ORC4: variants seen among roughly 807,000 people sequenced by gnomAD.
The protein encoded by ORC4 is origin recognition complex, subunit 4 homolog.
A neutral mutation model predicts 63.9 loss-of-function variants in ORC4; 55 were observed. The observed-to-expected ratio is 0.86, with a 90% confidence interval of 0.69 to 1.08. The LOEUF (loss-of-function observed/expected upper bound fraction) is 1.08. Among genes scored for constraint, ORC4 ranks in the 50% least tolerant of loss-of-function variants. The pLI, the probability that ORC4 is intolerant of heterozygous loss-of-function variation, is 0.00. For missense variants in ORC4, 511 were observed against 504.4 expected (o/e 1.01, Z -0.13); for synonymous variants, 150 against 168.5 (o/e 0.89, Z 0.85).
chr2:147,966,927 T>C (rs187839800), intron 4 of ORC4, among the ~76,000 whole-genome samples: 22 of 152,080 alleles, frequency 1.4e-4, no homozygotes, highest in Non-Finnish European at 2.8e-4. Context: ...ACATCTCTGA[T>C]GAATATAGAT....
chr2:147,953,090 G>T (rs1340214471), intron 7 of ORC4, among the ~76,000 whole-genome samples: 1 of 151,580 alleles, frequency 6.6e-6, no homozygotes, highest in African/African-American at 2.4e-5. Flanking sequence ...AGCACTTTGG[G>T]AGGCCGAGGT....
At chr2:148,005,619 C>G (rs1692575772) in intron 1 of ORC4, among the ~76,000 whole-genome samples, 1 of 147,914 alleles carries the variant, frequency 6.8e-6, no homozygotes, top group Admixed American at 6.8e-5. Context: ...CAGGAATCAT[C>G]CCGTAGCAGG....
At chr2:147,985,183 A>G (rs1007275493) in intron 1 of ORC4, among the ~76,000 whole-genome samples, 1 of 151,570 alleles carries the variant, frequency 6.6e-6, no homozygotes, top group East Asian at 1.9e-4. Flanking sequence ...TATTCAGTAA[A>G]CTCTCTGTTT....
Position 147,931,030 on chromosome 2 carries a change from C to T in ORC4, c.*4480G>A, listed in dbSNP as rs1234744365. 1 of 145,066 alleles carries T rather than the reference C, an allele frequency of 6.9e-6. No individual in the cohort carries two copies. Among genetic ancestry groups the T allele is most frequent in the Non-Finnish European group, 1.5e-5 (1 of 65,458 alleles). The allele number at this position is 145,066 out of a possible 1,614,324, so 9.0% of individuals were successfully genotyped here. ...CATCCCCCCACCCCACAACAGTCCC[C>T]AGAGTGTGATATTCCCCTTCCTGTG... is the stretch of plus-strand genomic sequence containing the variant. On this transcript the variant is annotated 3_prime_UTR_variant, in exon 14 of 14. Transcript: ENST00000392857.
intron 11 of ORC4, 145 bp downstream of exon 11, chr2:147,938,995 T>A (rs1444767840): frequency 9.7e-6 from 6 of 618,872 alleles, no homozygotes; most frequent in South Asian, 1.7e-5. Flanking sequence ...ATAGTACCTT[T>A]AAAAGGACTA....
chr2:148,021,451 TTGCTGCTGCTGTTGC>T, upstream of ORC4: 1 of 567,628 alleles, frequency 1.8e-6, no homozygotes. Context: ...CACAGACCCT[TTGCTGCTGCTGTTGC>T]TGCTGCTGCT....
rs17231959 is a variant in ORC4, at chr2:147,947,784, C to T, written c.762+267G>A. ...AAATATAAACCACATACAGATAAAACTAAAGCCTCATTAAAGTTTACTTCA... is the reference window on the plus strand; with the variant it reads ...AAATATAAACCACATACAGATAAAATTAAAGCCTCATTAAAGTTTACTTCA... On this transcript the variant is annotated intron_variant, in intron 9 of 13. Coordinates refer to ENST00000392857, the MANE Select transcript of ORC4 (RefSeq NM_181741.4). The T allele has an allele frequency of 3.5e-3, 811 of 229,368 alleles. 1 individual carries two copies. The highest frequency in any genetic ancestry group is 9.1e-3 in the East Asian group (93 of 10,164). The allele number at this position is 229,368 out of a possible 1,614,324, so 14.2% of individuals were successfully genotyped here. A position where few individuals can be genotyped will look rare whatever the true frequency, so the allele number is the denominator to read the frequency against.
In ORC4 at chr2:147,935,253, C is replaced by T. The variant is rs1310742725; in HGVS notation, c.*257G>A. On this transcript the variant is annotated 3_prime_UTR_variant, in exon 14 of 14. Transcript: ENST00000392857. Reference sequence around the variant, plus strand: ...TATATATATAAGTGTTAAAAAAGCACATGGTCTAGTCCCTAAAACAGTCAT... The same window carrying T: ...TATATATATAAGTGTTAAAAAAGCATATGGTCTAGTCCCTAAAACAGTCAT... The T allele has an allele frequency of 7.1e-5, 34 of 479,928 alleles. No individual in the cohort carries two copies. Among genetic ancestry groups the T allele is most frequent in the Non-Finnish European group, 1.1e-5 (3 of 263,654 alleles). 29.7% of individuals were successfully genotyped at this position (479,928 alleles called of 1,614,324 possible). A position where few individuals can be genotyped will look rare whatever the true frequency, so the allele number is the denominator to read the frequency against.
intron 4 of ORC4, 57 bp downstream of exon 4, chr2:147,972,682 T>G (rs1690286400): frequency 1.2e-6 from 1 of 868,158 alleles, no homozygotes; most frequent in Admixed American, 2.0e-5. Context: ...TTATTTATTC[T>G]TATATAAAAT....
In ORC4 at chr2:147,955,337, T is replaced by C. The variant is rs1294363332; in HGVS notation, c.436+10A>G. ...GATCTTCTGAAACGGCTGAATATGT[T>C]AATATTTACCTTTTTTTAAAGCTTC... On this transcript the variant is annotated intron_variant, in intron 7 of 13. Transcript: ENST00000392857. 1.3e-5 allele frequency: 21 copies of C among 1,580,398 alleles called. No individual in the cohort carries two copies. Among genetic ancestry groups the C allele is most frequent in the Non-Finnish European group, 1.7e-5 (20 of 1,151,970 alleles).
intron 1 of ORC4, among the ~76,000 whole-genome samples, 179 bp downstream of exon 1, chr2:148,020,454 C>T (rs1384770834): frequency 1.3e-5 from 2 of 152,126 alleles, no homozygotes; most frequent in Non-Finnish European, 2.9e-5. Flanking sequence ...GGCCACAAGA[C>T]GGAGCTCGCC....
chr2:147,974,818 A>C (rs1055993087), intron 2 of ORC4, among the ~76,000 whole-genome samples: 2 of 151,468 alleles, frequency 1.3e-5, no homozygotes, highest in African/African-American at 2.4e-5. Flanking sequence ...AAAAAAAAAA[A>C]AAAAAAAACC....
intron 1 of ORC4, among the ~76,000 whole-genome samples, chr2:147,990,263 G>A (rs1488640470): frequency 1.3e-5 from 2 of 152,300 alleles, no homozygotes; most frequent in East Asian, 3.9e-4. Flanking sequence ...AACGTAAAAT[G>A]AAAGGTATTT....
At chr2:147,952,645 T>G in intron 7 of ORC4, 121 bp from the exon 8 acceptor site, 1 of 766,010 alleles carries the variant, frequency 1.3e-6, no homozygotes, top group Non-Finnish European at 2.2e-6. Flanking sequence ...GATAGCCTAC[T>G]TTGGGTAGGG....
chr2:147,982,736 A>C (rs1690963137), intron 1 of ORC4, among the ~76,000 whole-genome samples: 1 of 152,232 alleles, frequency 6.6e-6, no homozygotes. Context: ...TTCCCCCTTC[A>C]TGTAATGGTC....
chr2:147,981,871 C>T (rs1221352983), intron 1 of ORC4: 3 of 152,224 alleles, frequency 2.0e-5, no homozygotes, highest in Non-Finnish European at 4.4e-5. Flanking sequence ...GAAGATCAGC[C>T]AATATATTTT....
At chr2:147,938,957 A>G (rs988741884) in intron 11 of ORC4, among the ~76,000 whole-genome samples, 183 bp downstream of exon 11, 1 of 152,178 alleles carries the variant, frequency 6.6e-6, no homozygotes, top group Admixed American at 6.6e-5. Context: ...CAGAGCGTCA[A>G]ATTTTTTTTT....
At chr2:148,011,960 A>C (rs1486160596) in intron 1 of ORC4, among the ~76,000 whole-genome samples, 2 of 152,152 alleles carry the variant, frequency 1.3e-5, no homozygotes, top group South Asian at 2.1e-4. Context: ...ACACAAACAA[A>C]TGAAAAGACA....
In ORC4 at chr2:147,931,604, C is replaced by T. The variant is rs1687740475; in HGVS notation, c.*3906G>A. On this transcript the variant is annotated 3_prime_UTR_variant, in exon 14 of 14. Coordinates refer to ENST00000392857, the MANE Select transcript of ORC4 (RefSeq NM_181741.4). ...CCAGCAGCACATCAAAAAGCTTATC[C>T]ACCATGATCAAGTGGGCTTCATCCC... is the stretch of plus-strand genomic sequence containing the variant. 1 of 152,138 alleles carries T rather than the reference C, an allele frequency of 6.6e-6. No individual in the cohort carries two copies. Among genetic ancestry groups the T allele is most frequent in the Non-Finnish European group, 1.5e-5 (1 of 68,060 alleles). 9.4% of individuals were successfully genotyped at this position (152,138 alleles called of 1,614,324 possible).
Sources: gnomAD v4.1 joint callset for allele counts (sites outside exome capture counted in the v4.1 genomes callset) on GRCh38, gnomAD v4.1.1 for gene constraint, MANE v1.5 for transcripts, NCBI Gene and HGNC (gene_info 2026-07-23, HGNC 2026-07-21) for gene names.